MAPKAP1: variants seen among roughly 807,000 people sequenced by gnomAD.
MAPKAP1 encodes the protein target of rapamycin complex 2 subunit MAPKAP1.
Under a neutral mutation model 65.7 loss-of-function variants are expected in MAPKAP1, and 20 were observed. The ratio of observed to expected loss-of-function variants is 0.30; its 90% CI spans 0.21 to 0.44. The LOEUF (loss-of-function observed/expected upper bound fraction) is 0.44. Among genes scored for constraint, MAPKAP1 ranks in the 20% least tolerant of loss-of-function variants. The pLI is 1.00. For missense variants in MAPKAP1, 423 were observed against 648.0 expected (o/e 0.65, Z 3.77); for synonymous variants, 222 against 244.3 (o/e 0.91, Z 0.85).
chr9:125,659,371 T>C (rs535170295), intron 3 of MAPKAP1, among the ~76,000 whole-genome samples: 2 of 152,336 alleles, frequency 1.3e-5, no homozygotes, highest in African/African-American at 2.4e-5. Context: ...AGGTGCAATG[T>C]GATGCTATGA....
chr9:125,474,373 C>T (rs10986773), intron 9 of MAPKAP1, among the ~76,000 whole-genome samples: 3,057 of 152,268 alleles, frequency 0.02, 166 homozygotes, highest in East Asian at 0.14. Flanking sequence ...AATGTGGAAA[C>T]TTTTGTGCTA....
At chr9:125,683,383 T>C (rs185667974) in intron 1 of MAPKAP1, among the ~76,000 whole-genome samples, 51 of 152,318 alleles carry the variant, frequency 3.3e-4, no homozygotes, top group Admixed American at 2.1e-3. Context: ...CTTTCCATTA[T>C]ATAAGACTCC....
intron 1 of MAPKAP1, among the ~76,000 whole-genome samples, chr9:125,677,597 G>A (rs1038686979): frequency 6.6e-5 from 10 of 152,104 alleles, no homozygotes; most frequent in Non-Finnish European, 1.5e-4. Flanking sequence ...TCGGGAGGCT[G>A]AGGCATGAAA....
intron 4 of MAPKAP1, among the ~76,000 whole-genome samples, chr9:125,605,975 C>A (rs1407275974): frequency 6.6e-6 from 1 of 152,166 alleles, no homozygotes; most frequent in African/African-American, 2.4e-5. Flanking sequence ...TAAAATACTC[C>A]ATTCAAAGAC....
intron 4 of MAPKAP1, among the ~76,000 whole-genome samples, chr9:125,652,594 T>C (rs1477353970): frequency 6.6e-6 from 1 of 152,232 alleles, no homozygotes; most frequent in African/African-American, 2.4e-5. Context: ...GTTGTCTATA[T>C]GAACCAGAAC....
intron 8 of MAPKAP1, among the ~76,000 whole-genome samples, chr9:125,491,793 CA>C (rs376148749): frequency 1.4e-5 from 2 of 147,148 alleles, no homozygotes; most frequent in East Asian, 2.0e-4. Flanking sequence ...ACCAAAAAAA[CA>C]AAAAAAAACA....
intron 4 of MAPKAP1, 65 bp downstream of exon 4, chr9:125,657,586 A>C (rs2131753043): frequency 7.2e-7 from 1 of 1,392,788 alleles, no homozygotes; most frequent in East Asian, 2.3e-5. Context: ...TCTAATAATA[A>C]TACCAACAAC....
intron 7 of MAPKAP1, among the ~76,000 whole-genome samples, chr9:125,536,267 C>T: frequency 6.6e-6 from 1 of 152,134 alleles, no homozygotes; most frequent in East Asian, 1.9e-4. Flanking sequence ...TCAGAGCACT[C>T]CAGACAGGGA....
chr9:125,581,554 G>A (rs1336693200), intron 5 of MAPKAP1, among the ~76,000 whole-genome samples: 1 of 152,056 alleles, frequency 6.6e-6, no homozygotes, highest in African/African-American at 2.4e-5. Flanking sequence ...TCTACTGTTG[G>A]GTTCTCAGTT....
chr9:125,471,990 C>T (rs1210219231), intron 9 of MAPKAP1: 1 of 152,206 alleles, frequency 6.6e-6, no homozygotes, highest in African/African-American at 2.4e-5. Flanking sequence ...CTCTTAATAA[C>T]CTCATGAAGT....
chr9:125,456,960 T>C lies in MAPKAP1; in HGVS notation c.1345+11012A>G, dbSNP rs569967468. 5.3e-5 allele frequency among the ~76,000 whole-genome samples: 8 copies of C among 152,106 alleles called. No homozygotes were observed. The East Asian group carries it at 1.4e-3, about 26-fold the overall frequency. On this transcript the variant is annotated intron_variant, in intron 10 of 11. Transcript: ENST00000265960. The stretch of plus-strand genomic sequence containing the variant: ...TAAGTAATGCACTGATCTTTTTTCA[T>C]CATCATACTAATCTGCTCCCATTTA...
chr9:125,654,170 C>G (rs1363249361), intron 4 of MAPKAP1, among the ~76,000 whole-genome samples: 1 of 152,182 alleles, frequency 6.6e-6, no homozygotes, highest in Non-Finnish European at 1.5e-5. Context: ...AAAGCCCACT[C>G]CCCGATCACC....
chr9:125,582,151 T>C (rs540516663), intron 5 of MAPKAP1, among the ~76,000 whole-genome samples: 6 of 152,324 alleles, frequency 3.9e-5, no homozygotes, highest in Middle Eastern at 3.4e-3. Flanking sequence ...TCCCAAAGTA[T>C]TTTTTACTTT....
intron 4 of MAPKAP1, among the ~76,000 whole-genome samples, chr9:125,623,918 G>A (rs1832998594): frequency 1.4e-4 from 3 of 21,830 alleles, no homozygotes; most frequent in African/African-American, 3.1e-4. Flanking sequence ...CAGCCACCCC[G>A]TCCGGGAGGG....
intron 11 of MAPKAP1, among the ~76,000 whole-genome samples, chr9:125,443,573 A>G (rs771861688): frequency 3.3e-5 from 5 of 152,134 alleles, no homozygotes; most frequent in African/African-American, 1.2e-4. Context: ...GTATGATCTC[A>G]GGTCCTATCC....
intron 1 of MAPKAP1, among the ~76,000 whole-genome samples, chr9:125,679,934 G>A (rs1564614271): frequency 6.6e-6 from 1 of 152,158 alleles, no homozygotes; most frequent in Non-Finnish European, 1.5e-5. Flanking sequence ...AATTACTGCT[G>A]CCCCATCAAT....
chr9:125,625,255 TAAAAA>T lies in MAPKAP1; in HGVS notation c.498+32391_498+32395del, dbSNP rs58671780. On this transcript the variant is annotated intron_variant, in intron 4 of 11. Coordinates refer to ENST00000265960, the MANE Select transcript of MAPKAP1 (RefSeq NM_001006617.3). ...TATCAATAAAAAAAAAATAAATAAA[TAAAAA>T]AAAAAAAAAAAAAAAAAAAACAAGG... is the stretch of plus-strand genomic sequence containing the variant. Among the ~76,000 whole-genome samples, 33 of 64,672 alleles carry T rather than the reference TAAAAA, an allele frequency of 5.1e-4. No individual in the cohort carries two copies. The East Asian group carries it at 7.1e-3, about 14-fold the overall frequency. The allele number at this position is 64,672 out of a possible 152,430, so 42.4% of individuals were successfully genotyped here. A position where few individuals can be genotyped will look rare whatever the true frequency, so the allele number is the denominator to read the frequency against.
In MAPKAP1 at chr9:125,440,199, G is replaced by A. The variant is rs116180633; in HGVS notation, c.1444-1187C>T. Among the ~76,000 whole-genome samples, 730 of 152,330 alleles carry A rather than the reference G, an allele frequency of 4.8e-3. 5 individuals carry two copies. The highest frequency in any genetic ancestry group is 0.017 in the African/African-American group (690 of 41,572). On this transcript the variant is annotated intron_variant, in intron 11 of 11. Transcript: ENST00000265960. ...GAAATCAGTGGTGGCAACTGGCACT[G>A]CTCGGAGTGCCTTTCAGCGCTCATG...
chr9:125,592,003 A>C (rs1041489287), intron 4 of MAPKAP1, among the ~76,000 whole-genome samples: 6 of 152,248 alleles, frequency 3.9e-5, no homozygotes, highest in African/African-American at 1.4e-4. Flanking sequence ...GGAAGCGGGC[A>C]ACACAGAGAA....
Sources: gnomAD v4.1 joint callset for allele counts (sites outside exome capture counted in the v4.1 genomes callset) on GRCh38, gnomAD v4.1.1 for gene constraint, MANE v1.5 for transcripts, NCBI Gene and HGNC (gene_info 2026-07-23, HGNC 2026-07-21) for gene names.